The following SLC10A6 variants were observed in gnomAD, a reference collection of about 807,000 sequenced individuals.
SLC10A6 encodes sodium-dependent organic anion transporter.
A neutral mutation model predicts 30.0 loss-of-function variants in SLC10A6; 27 were observed. The observed-to-expected ratio is 0.90, with a 90% CI of 0.66 to 1.24. The LOEUF is 1.24. Among genes scored for constraint, SLC10A6 ranks in the 50% most tolerant of loss-of-function variants. SLC10A6 has a pLI of 0.00. For synonymous variants in SLC10A6, 166 were observed against 173.8 expected (o/e 0.95, Z 0.36); for missense variants, 439 against 457.0 (o/e 0.96, Z 0.36).
At position 86,828,008 on chromosome 4, in the gene SLC10A6, T is replaced by G. The variant is rs766461467; in HGVS notation, c.746A>C (p.His249Pro). ...VTGFLLALFT[H>P]QSWQRCRTIS... ...TTAACTATACCTTTGCCAAGACTGG[T>G]GGGTAAAAAGTGCCAGCAGAAAACC... Residue 249 changes from histidine to proline, a missense_variant, in exon 4 of 6, where the codon CAC (histidine) becomes CCC (proline). Physicochemically the swap from His to Pro is moderately conservative, Grantham distance 77 (BLOSUM62 -2). Transcript: ENST00000273905. The G allele has an allele frequency of 1.2e-6, 2 of 1,613,154 alleles. No individual in the cohort carries two copies. Among genetic ancestry groups the G allele is most frequent in the Admixed American group, 3.3e-5 (2 of 59,860 alleles).
intron 3 of SLC10A6, 28 bp from the exon 4 acceptor site, chr4:86,828,196 A>G (rs1288459655): frequency 6.3e-7 from 1 of 1,598,804 alleles, no homozygotes; most frequent in African/African-American, 1.4e-5. Flanking sequence ...ATAAGTGAAT[A>G]TAAACTCAGG....
At chr4:86,842,191 T>C (rs138706844) in intron 1 of SLC10A6, among the ~76,000 whole-genome samples, 217 of 152,300 alleles carry the variant, frequency 1.4e-3, no homozygotes, top group African/African-American at 4.9e-3. Flanking sequence ...ACATGTCAGA[T>C]AGACCTGAAC....
intron 1 of SLC10A6, among the ~76,000 whole-genome samples, chr4:86,844,466 A>G (rs748171085): frequency 3.3e-5 from 5 of 152,190 alleles, no homozygotes; most frequent in Non-Finnish European, 7.3e-5. Flanking sequence ...CAGCCCATCA[A>G]GAGGCAAAAT....
At chr4:86,830,861 A>G (rs1269053863) in intron 3 of SLC10A6, among the ~76,000 whole-genome samples, 1 of 152,238 alleles carries the variant, frequency 6.6e-6, no homozygotes, top group East Asian at 1.9e-4. Context: ...CATGAAAGCC[A>G]CACATATTAC....
intron 4 of SLC10A6, among the ~76,000 whole-genome samples, chr4:86,827,427 G>A (rs7685298): frequency 0.032 from 4,798 of 152,230 alleles, 186 homozygotes; most frequent in African/African-American, 0.093. Context: ...TTTACCGGGC[G>A]CTTAGTACAA....
At chr4:86,833,467 C>T (rs1369040123) in intron 1 of SLC10A6, 43 bp from the exon 2 acceptor site, 20 of 1,463,604 alleles carry the variant, frequency 1.4e-5, no homozygotes, top group East Asian at 2.3e-5. Flanking sequence ...GAGCATTGGA[C>T]ATGAAGAATT....
intron 4 of SLC10A6, 97 bp from the exon 5 acceptor site, chr4:86,825,674 C>T: frequency 1.6e-6 from 2 of 1,264,206 alleles, no homozygotes; most frequent in Non-Finnish European, 2.1e-6. Context: ...GCTATGACCT[C>T]AGGCCACTGA....
chr4:86,837,323 A>AGGGAGGGAGGG (rs1560460472), intron 1 of SLC10A6, among the ~76,000 whole-genome samples: 2 of 141,554 alleles, frequency 1.4e-5, no homozygotes, highest in Non-Finnish European at 3.1e-5. Context: ...GGAAGGAAGG[A>AGGGAGGGAGGG]AGGAAGGAAG....
intron 1 of SLC10A6, among the ~76,000 whole-genome samples, chr4:86,837,008 C>T (rs759642795): frequency 2.0e-4 from 31 of 151,776 alleles, no homozygotes; most frequent in Admixed American, 5.3e-4. Context: ...CCACCCGCCT[C>T]GGCCTCCTAA....
intron 4 of SLC10A6, 116 bp from the exon 5 acceptor site, chr4:86,825,693 A>G (rs2149410178): frequency 1.8e-6 from 2 of 1,099,538 alleles, no homozygotes; most frequent in Middle Eastern, 3.3e-4. Context: ...GAAAATGTGT[A>G]CTCATTCCAT....
In SLC10A6 at chr4:86,828,207, GT is replaced by G. The variant is rs1330652768; in HGVS notation, c.586-40del. The G allele has an allele frequency of 8.8e-6, 14 of 1,589,132 alleles. No individual in the cohort carries two copies. The East Asian group carries it at 2.7e-4, about 31-fold the overall frequency. On this transcript the variant is annotated intron_variant, in intron 3 of 5. Coordinates refer to ENST00000273905, the MANE Select transcript of SLC10A6 (RefSeq NM_197965.3). ...TAAAATAAGTGAATATAAACTCAGG[GT>G]TTTTTGCTCTATGATACAAAGTCCA... is the stretch of plus-strand genomic sequence containing the variant.
chr4:86,847,052 C>G (rs1746405198), intron 1 of SLC10A6, among the ~76,000 whole-genome samples: 1 of 152,128 alleles, frequency 6.6e-6, no homozygotes, highest in African/African-American at 2.4e-5. Context: ...TGCTGCTATT[C>G]AAAACAGAAG....
intron 1 of SLC10A6, among the ~76,000 whole-genome samples, chr4:86,842,184 T>C (rs1746302795): frequency 6.6e-6 from 1 of 152,022 alleles, no homozygotes; most frequent in Non-Finnish European, 1.5e-5. Context: ...CACCAAGACA[T>C]GTCAGATAGA....
intron 1 of SLC10A6, among the ~76,000 whole-genome samples, chr4:86,837,231 GAAAGAAAGAA>G: frequency 9.3e-5 from 8 of 85,940 alleles, no homozygotes; most frequent in Admixed American, 2.7e-4. Context: ...GAGAGAGAAA[GAAAGAAAGAA>G]AGAAAGAAAG....
chr4:86,835,103 C>A (rs1439615418), intron 1 of SLC10A6, among the ~76,000 whole-genome samples: 1 of 152,112 alleles, frequency 6.6e-6, no homozygotes, highest in Admixed American at 6.5e-5. Context: ...CAAACCACAT[C>A]AGCAAGTTAG....
chr4:86,833,726 C>T (rs1746129043), intron 1 of SLC10A6, among the ~76,000 whole-genome samples: 1 of 152,202 alleles, frequency 6.6e-6, no homozygotes, highest in South Asian at 2.1e-4. Context: ...GAAGTATAAT[C>T]CACAAGCCAT....
chr4:86,848,263 G>A (rs1438517095), intron 1 of SLC10A6, among the ~76,000 whole-genome samples: 1 of 152,166 alleles, frequency 6.6e-6, no homozygotes, highest in Non-Finnish European at 1.5e-5. Flanking sequence ...CCTTTATCCA[G>A]TCCTCTAAAG....
rs116569304 is a variant in SLC10A6, at chr4:86,829,425, G to A, written c.586-1257C>T. On this transcript the variant is annotated intron_variant, in intron 3 of 5. Coordinates refer to ENST00000273905, the MANE Select transcript of SLC10A6 (RefSeq NM_197965.3). ...GACTCCGTTTAAAAAAAAAATGAAA[G>A]AAAGAAAGCCTCTGAATGTAACATC... Among the ~76,000 whole-genome samples the A allele has an allele frequency of 4.0e-3, 610 of 152,090 alleles. 10 individuals carry two copies. The highest frequency in any genetic ancestry group is 0.014 in the African/African-American group (579 of 41,476).
chr4:86,837,273 AAG>A (rs1279463869), intron 1 of SLC10A6, among the ~76,000 whole-genome samples: 128 of 103,758 alleles, frequency 1.2e-3, no homozygotes, highest in Middle Eastern at 4.9e-3. Context: ...GAAAGAAAGA[AAG>A]AAAGAAAGAA....
Sources: gnomAD v4.1 joint callset for allele counts (sites outside exome capture counted in the v4.1 genomes callset) on GRCh38, gnomAD v4.1.1 for gene constraint, MANE v1.5 for transcripts, NCBI Gene and HGNC (gene_info 2026-07-23, HGNC 2026-07-21) for gene names.